The following SHANK2 variants were observed in gnomAD, a reference collection of about 807,000 sequenced individuals.
SHANK2 encodes the protein SH3 and multiple ankyrin repeat domains 2, also known as SH3 and multiple ankyrin repeat domains protein 2.
A neutral mutation model predicts 133.7 loss-of-function variants in SHANK2; 43 were observed. The ratio of observed to expected loss-of-function variants is 0.32; its 90% CI spans 0.25 to 0.41. The LOEUF (loss-of-function observed/expected upper bound fraction) is 0.41, where lower values mean the gene tolerates loss of function less well. SHANK2 is among the 10% of genes least tolerant of loss of function. The probability of loss-of-function intolerance (pLI) is 1.00; values close to 1 mark genes in which losing one functional copy is unlikely to be tolerated. For synonymous variants in SHANK2, 1,017 were observed against 952.8 expected (o/e 1.07, Z -1.24); for missense variants, 1,994 against 2,235.8 (o/e 0.89, Z 2.18).
At chr11:70,587,090 C>T (rs541526154) in intron 17 of SHANK2, among the ~76,000 whole-genome samples, 1 of 152,306 alleles carries the variant, frequency 6.6e-6, no homozygotes, top group Admixed American at 6.5e-5. Context: ...CTCTGCAGCC[C>T]ACTCCCTTTG....
chr11:70,497,370 G>A (rs2058986161), intron 21 of SHANK2, among the ~76,000 whole-genome samples: 1 of 152,218 alleles, frequency 6.6e-6, no homozygotes, highest in Non-Finnish European at 1.5e-5. Flanking sequence ...CAGGGACTCT[G>A]GATGAAGGGG....
Position 70,486,872 on chromosome 11 carries a change from G to T in SHANK2, c.3421C>A (p.Leu1141Met). The change falls in exon 25 of 26, where the codon CTG becomes ATG. Residue 1141 changes from leucine (L) to methionine (M), a missense_variant. By Grantham distance (15) the Leu-to-Met change is conservative (BLOSUM62 2). Coordinates refer to ENST00000601538, the MANE Select transcript of SHANK2 (RefSeq NM_012309.5). The surrounding 1 kb of genome is among the most constrained non-coding windows in gnomAD (Gnocchi z 8.0). The part of the protein sequence containing the change: ...DFADEDSAEQ[L>M]SSPMPSATPR... ...GTGGCACTCGGCATGGGGGATGACA[G>T]CTGCTCAGCGCTGTCCTCGTCAGCA... 6.2e-7 allele frequency: 1 copy of T among 1,612,744 alleles called. No homozygotes were observed. Among genetic ancestry groups the T allele is most frequent in the Non-Finnish European group, 8.5e-7 (1 of 1,179,930 alleles).
At chr11:71,073,156 C>CTTTTTTTTT (rs1198101078) in intron 9 of SHANK2, among the ~76,000 whole-genome samples, 35 of 40,770 alleles carry the variant, frequency 8.6e-4, no homozygotes, top group African/African-American at 2.3e-3. Flanking sequence ...TCTTTTTTTT[C>CTTTTTTTTT]TTTTTTTTCT....
chr11:71,202,132 G>A (rs1954031116), intron 2 of SHANK2, among the ~76,000 whole-genome samples: 1 of 152,208 alleles, frequency 6.6e-6, no homozygotes, highest in South Asian at 2.1e-4. Flanking sequence ...TTGATGATGA[G>A]GGTGCAAGGT....
chr11:71,081,956 T>G lies in SHANK2; in HGVS notation c.913-6681A>C, dbSNP rs1369714637. 2.0e-5 allele frequency among the ~76,000 whole-genome samples: 3 copies of G among 152,130 alleles called. No individual in the cohort carries two copies. The East Asian group carries it at 5.8e-4, about 29-fold the overall frequency. Reference sequence around the variant, plus strand: ...CCACACTCTCACACCCTGGAGGTGCTCATCTGGAAAGGTGCAGTACCTGCC... The same window carrying G: ...CCACACTCTCACACCCTGGAGGTGCGCATCTGGAAAGGTGCAGTACCTGCC... On this transcript the variant is annotated intron_variant, in intron 8 of 25. Coordinates refer to ENST00000601538, the MANE Select transcript of SHANK2 (RefSeq NM_012309.5).
chr11:71,176,533 T>G (rs897375636), intron 2 of SHANK2, among the ~76,000 whole-genome samples: 4 of 152,104 alleles, frequency 2.6e-5, no homozygotes, highest in African/African-American at 9.7e-5. Flanking sequence ...AAAATTAAAC[T>G]TCCAAAGATA....
At chr11:70,714,086 G>A (rs1555026745) in intron 14 of SHANK2, among the ~76,000 whole-genome samples, 1 of 151,978 alleles carries the variant, frequency 6.6e-6, no homozygotes, top group Non-Finnish European at 1.5e-5. Flanking sequence ...CTAGGTCCTG[G>A]CCAATGAGAC....
intron 11 of SHANK2, among the ~76,000 whole-genome samples, chr11:70,847,155 C>A (rs1265557125): frequency 2.0e-5 from 3 of 152,158 alleles, no homozygotes; most frequent in Non-Finnish European, 1.5e-5. Flanking sequence ...GACCCACACC[C>A]CAGTACAGGG....
At chr11:70,952,470 G>T (rs1555086866) in intron 10 of SHANK2, among the ~76,000 whole-genome samples, 1 of 152,198 alleles carries the variant, frequency 6.6e-6, no homozygotes, top group Non-Finnish European at 1.5e-5. Context: ...GACACAAGCT[G>T]TCTAGCTACT....
At position 70,486,398 on chromosome 11, in the gene SHANK2, G is replaced by A; in HGVS notation, c.3895C>T (p.Leu1299=). Residue 1299 remains leucine (L), a synonymous_variant, in exon 25 of 26, where the codon CTG becomes TTG. Transcript: ENST00000601538. This position sits in a 1 kb window ranked among gnomAD's most constrained non-coding sequence, Gnocchi z 8.0. ...TGGGACGTGTCCATGATGTCGATCAGCATGTTCTTCTTGTCATCGCCTTTC... is the reference window on the plus strand; with the variant it reads ...TGGGACGTGTCCATGATGTCGATCAACATGTTCTTCTTGTCATCGCCTTTC... ...DRKGDDKKNM[L]IDIMDTSQQK... The A allele has an allele frequency of 6.2e-7, 1 of 1,613,966 alleles. No individual in the cohort carries two copies.
At chr11:70,687,020 C>T (rs1209825613) in intron 15 of SHANK2, among the ~76,000 whole-genome samples, 1 of 152,222 alleles carries the variant, frequency 6.6e-6, no homozygotes, top group Non-Finnish European at 1.5e-5. Context: ...TGGGTCAGGC[C>T]CTGGAATCCC....
intron 10 of SHANK2, among the ~76,000 whole-genome samples, chr11:70,903,070 G>A (rs553707540): frequency 9.9e-5 from 15 of 152,238 alleles, no homozygotes; most frequent in African/African-American, 3.4e-4. Flanking sequence ...CACCTCAAGT[G>A]CTTACACCTA....
intron 1 of SHANK2, among the ~76,000 whole-genome samples, chr11:71,229,297 C>T (rs1187051033): frequency 6.6e-6 from 1 of 152,140 alleles, no homozygotes. Flanking sequence ...CCTATTTGCA[C>T]ACAGCATGAA....
At chr11:70,538,546 T>C (rs1488387578) in intron 17 of SHANK2, among the ~76,000 whole-genome samples, 2 of 152,212 alleles carry the variant, frequency 1.3e-5, no homozygotes, top group Non-Finnish European at 2.9e-5. Context: ...TGCAGTGTCC[T>C]GGCCCTTGGT....
chr11:70,578,623 G>T (rs935630843), intron 17 of SHANK2, among the ~76,000 whole-genome samples: 1 of 152,138 alleles, frequency 6.6e-6, no homozygotes, highest in Non-Finnish European at 1.5e-5. Context: ...CCTGGGCCAC[G>T]TCTCACAGGC....
intron 10 of SHANK2, among the ~76,000 whole-genome samples, chr11:70,937,464 C>G (rs548469707): frequency 1.3e-5 from 2 of 152,194 alleles, no homozygotes; most frequent in East Asian, 1.9e-4. Flanking sequence ...CAAGTGACAT[C>G]GTCAGCCCCC....
At chr11:70,524,607 G>A (rs781844763) in intron 17 of SHANK2, among the ~76,000 whole-genome samples, 10 of 152,186 alleles carry the variant, frequency 6.6e-5, no homozygotes, top group South Asian at 2.1e-4. Flanking sequence ...CTGCCATGCC[G>A]GGGCCCTCAG....
intron 25 of SHANK2, among the ~76,000 whole-genome samples, chr11:70,480,274 C>T (rs1383774398): frequency 6.6e-6 from 1 of 152,226 alleles, no homozygotes; most frequent in African/African-American, 2.4e-5. Context: ...AAGGTTGGCT[C>T]CTTTTTAAAT....
chr11:70,932,369 G>A (rs1478756877), intron 10 of SHANK2, among the ~76,000 whole-genome samples: 1 of 152,196 alleles, frequency 6.6e-6, no homozygotes, highest in East Asian at 1.9e-4. Context: ...AGGAATAAGG[G>A]GTCTTCAGAC....
Sources: gnomAD v4.1 joint callset for allele counts (sites outside exome capture counted in the v4.1 genomes callset) on GRCh38, gnomAD v4.1.1 for gene constraint, Gnocchi (gnomAD v3.1) non-coding constraint, MANE v1.5 for transcripts, NCBI Gene and HGNC (gene_info 2026-07-23, HGNC 2026-07-21) for gene names.